Variants in CFAP53 observed in about 807,000 individuals in gnomAD.
CFAP53 encodes the protein cilia- and flagella-associated protein 53.
Under a neutral mutation model 59.7 loss-of-function variants are expected in CFAP53, and 62 were observed. The ratio of observed to expected loss-of-function variants is 1.04; its 90% CI spans 0.85 to 1.28. CFAP53 has a LOEUF of 1.28. Among genes scored for constraint, CFAP53 ranks in the 50% most tolerant of loss-of-function variants. The pLI is 0.00. For synonymous variants in CFAP53, 218 were observed against 205.7 expected (o/e 1.06, Z -0.51); for missense variants, 629 against 615.6 (o/e 1.02, Z -0.23).
intron 6 of CFAP53, among the ~76,000 whole-genome samples, chr18:50,238,942 C>G (rs1043961254): frequency 1.3e-5 from 2 of 151,778 alleles, no homozygotes; most frequent in Non-Finnish European, 2.9e-5. Flanking sequence ...CTATAATTAC[C>G]CTTTTTCATA....
intron 1 of CFAP53, among the ~76,000 whole-genome samples, chr18:50,262,911 T>C (rs918574111): frequency 1.3e-5 from 2 of 152,218 alleles, no homozygotes; most frequent in Admixed American, 6.5e-5. Flanking sequence ...GAAGTTTTAA[T>C]GCAAAGAGTG....
chr18:50,241,066 C>T (rs781088104), intron 6 of CFAP53, among the ~76,000 whole-genome samples: 32 of 152,200 alleles, frequency 2.1e-4, no homozygotes, highest in Non-Finnish European at 3.7e-4. Context: ...TTAAGCATCT[C>T]GCAGGGCTGA....
chr18:50,234,524 T>C (rs2033612506), intron 7 of CFAP53, among the ~76,000 whole-genome samples: 1 of 152,178 alleles, frequency 6.6e-6, no homozygotes, highest in Non-Finnish European at 1.5e-5. Context: ...TATACTGGAA[T>C]CCAAACTAAC....
At position 50,261,253 on chromosome 18, in the gene CFAP53, A is replaced by AAC; in HGVS notation, c.300-17_300-16insGT. On this transcript the variant is annotated splice_polypyrimidine_tract_variant and intron_variant, in intron 2 of 7. Coordinates refer to ENST00000398545, the MANE Select transcript of CFAP53 (RefSeq NM_145020.5). ...CTCACGTAGCCTGAAACAAAAAGCC[A>AAC]AAAAAAAAAAAAAAAAAAGAAAACT... 2.0e-5 allele frequency: 1 copy of AAC among 50,100 alleles called. No individual in the cohort carries two copies. Among genetic ancestry groups the AAC allele is most frequent in the Non-Finnish European group, 2.8e-5 (1 of 35,686 alleles). The allele number at this position is 50,100 out of a possible 1,614,324, so 3.1% of individuals were successfully genotyped here.
At position 50,266,333 on chromosome 18, in the gene CFAP53, T is replaced by C; in HGVS notation, c.69+3A>G. 1 of 1,614,060 alleles carries C rather than the reference T, an allele frequency of 6.2e-7. No individual in the cohort carries two copies. The highest frequency in any genetic ancestry group is 1.3e-5 in the African/African-American group (1 of 75,062). On this transcript the variant is annotated splice_donor_region_variant and intron_variant, in intron 1 of 7. Coordinates refer to ENST00000398545, the MANE Select transcript of CFAP53 (RefSeq NM_145020.5). Reference sequence around the variant, plus strand: ...GGGTCTGGCAGACATATCCTGTGCTTACCACGATCACCACTTTGGGGGTGG... The same window carrying C: ...GGGTCTGGCAGACATATCCTGTGCTCACCACGATCACCACTTTGGGGGTGG...
intron 1 of CFAP53, among the ~76,000 whole-genome samples, chr18:50,265,184 T>C (rs938248050): frequency 6.6e-6 from 1 of 152,206 alleles, no homozygotes; most frequent in African/African-American, 2.4e-5. Flanking sequence ...TTTGAAAATC[T>C]GAAATCTGAA....
rs536201290 is a variant in CFAP53, at chr18:50,265,610, A to G, written c.69+726T>C. ...AATACTGCGCACACAGCAGGGGCTC[A>G]AGCAATAACTCTGCCTACATGTTAG... is the stretch of plus-strand genomic sequence containing the variant. On this transcript the variant is annotated intron_variant, in intron 1 of 7. Transcript: ENST00000398545. 9.2e-5 allele frequency among the ~76,000 whole-genome samples: 14 copies of G among 152,298 alleles called. No individual in the cohort carries two copies. In the South Asian group the frequency reaches 2.9e-3, roughly 32 times the overall value.
At chr18:50,238,756 G>T in intron 6 of CFAP53, 51 bp from the exon 7 acceptor site, 2 of 1,345,524 alleles carry the variant, frequency 1.5e-6, no homozygotes, top group Non-Finnish European at 2.1e-6. Context: ...GACAAGAATT[G>T]CCAACATCTT....
At chr18:50,266,176 C>T (rs2033968319) in intron 1 of CFAP53, among the ~76,000 whole-genome samples, 160 bp downstream of exon 1, 1 of 152,200 alleles carries the variant, frequency 6.6e-6, no homozygotes. Context: ...GATAGGTGAG[C>T]GACCTTATCT....
At chr18:50,246,825 C>T (rs943734367) in intron 5 of CFAP53, among the ~76,000 whole-genome samples, 2 of 152,048 alleles carry the variant, frequency 1.3e-5, no homozygotes, top group East Asian at 1.9e-4. Context: ...GTGGGTGGAT[C>T]GCCTAAGGTC....
intron 5 of CFAP53, among the ~76,000 whole-genome samples, chr18:50,249,532 A>G (rs1332549320): frequency 2.6e-5 from 4 of 152,110 alleles, no homozygotes; most frequent in Non-Finnish European, 5.9e-5. Context: ...AAAAATTAAA[A>G]AAAAAGAAAA....
At chr18:50,239,385 T>C (rs1273883371) in intron 6 of CFAP53, among the ~76,000 whole-genome samples, 8 of 151,686 alleles carry the variant, frequency 5.3e-5, no homozygotes, top group South Asian at 2.1e-4. Context: ...ATAAAGCTCT[T>C]GTAAGTTAAA....
At chr18:50,240,495 G>T (rs980364777) in intron 6 of CFAP53, among the ~76,000 whole-genome samples, 1 of 152,176 alleles carries the variant, frequency 6.6e-6, no homozygotes, top group African/African-American at 2.4e-5. Flanking sequence ...AGCAGCAGGG[G>T]CCACGTGAGT....
chr18:50,232,607 C>T (rs1245058219), intron 7 of CFAP53, among the ~76,000 whole-genome samples: 1 of 152,224 alleles, frequency 6.6e-6, no homozygotes, highest in Non-Finnish European at 1.5e-5. Context: ...AAAGACTGCC[C>T]TGATGATCAA....
At chr18:50,230,479 C>T (rs1282268112) in intron 7 of CFAP53, among the ~76,000 whole-genome samples, 2 of 152,244 alleles carry the variant, frequency 1.3e-5, no homozygotes, top group Non-Finnish European at 2.9e-5. Context: ...AGCCCCTATG[C>T]ATCTCTTCCA....
intron 5 of CFAP53, among the ~76,000 whole-genome samples, chr18:50,245,077 A>C (rs915109125): frequency 1.3e-5 from 2 of 150,762 alleles, no homozygotes; most frequent in African/African-American, 4.9e-5. Flanking sequence ...AAAAAAAAAA[A>C]AAAAAAACTA....
intron 5 of CFAP53, 124 bp downstream of exon 5, chr18:50,250,634 G>T: frequency 1.4e-6 from 1 of 717,602 alleles, no homozygotes. Context: ...TGGTGCTGAT[G>T]CTGTTGGCTT....
rs1438208376 is a variant in CFAP53, at chr18:50,250,699, C to T, written c.996+59G>A. 4 of 1,367,790 alleles carry T rather than the reference C, an allele frequency of 2.9e-6. No individual in the cohort carries two copies. The African/African-American group carries it at 4.3e-5, about 15-fold the overall frequency. The allele number at this position is 1,367,790 out of a possible 1,614,324, so 84.7% of individuals were successfully genotyped here. A position where few individuals can be genotyped will look rare whatever the true frequency, so the allele number is the denominator to read the frequency against. On this transcript the variant is annotated intron_variant, in intron 5 of 7. Transcript: ENST00000398545. ...ATATTTGAAGCCATCTTCCACAAGACTGAGAACTCAGTAAGGAATCCCTTC... is the reference window on the plus strand; with the variant it reads ...ATATTTGAAGCCATCTTCCACAAGATTGAGAACTCAGTAAGGAATCCCTTC...
intron 7 of CFAP53, among the ~76,000 whole-genome samples, chr18:50,229,402 A>G (rs1277000078): frequency 6.6e-6 from 1 of 152,204 alleles, no homozygotes; most frequent in Non-Finnish European, 1.5e-5. Context: ...ATACTGTGGC[A>G]TGTGACAGGA....
Sources: gnomAD v4.1 joint callset for allele counts (sites outside exome capture counted in the v4.1 genomes callset) on GRCh38, gnomAD v4.1.1 for gene constraint, MANE v1.5 for transcripts, NCBI Gene and HGNC (gene_info 2026-07-23, HGNC 2026-07-21) for gene names.